Variants in DSCAM observed in about 807,000 individuals in gnomAD.
The protein encoded by DSCAM is cell adhesion molecule DSCAM.
Under a neutral mutation model 217.7 loss-of-function variants are expected in DSCAM, and 47 were observed. The ratio of observed to expected loss-of-function variants is 0.22; its 90% CI spans 0.17 to 0.28. The LOEUF (loss-of-function observed/expected upper bound fraction) is 0.28, where lower values mean the gene tolerates loss of function less well. Among genes scored for constraint, DSCAM ranks in the 10% least tolerant of loss-of-function variants. The pLI is 1.00. For synonymous variants in DSCAM, 1,056 were observed against 1,015.3 expected (o/e 1.04, Z -0.76); for missense variants, 2,080 against 2,618.3 (o/e 0.79, Z 4.49).
chr21:40,341,694 C>T (rs939298795), intron 6 of DSCAM, among the ~76,000 whole-genome samples: 13 of 152,124 alleles, frequency 8.5e-5, no homozygotes, highest in Non-Finnish European at 1.0e-4. Flanking sequence ...AGAGTATGCA[C>T]GCTTTATATG....
chr21:40,194,403 G>A (rs1234662967), intron 11 of DSCAM, among the ~76,000 whole-genome samples: 1 of 152,166 alleles, frequency 6.6e-6, no homozygotes, highest in Non-Finnish European at 1.5e-5. Context: ...ATGACAACAT[G>A]TCTGTACAGC....
At chr21:40,215,717 C>G (rs1554939) in intron 11 of DSCAM, among the ~76,000 whole-genome samples, 78,198 of 151,652 alleles carry the variant, frequency 0.52, 20,464 homozygotes, top group Middle Eastern at 0.63. Flanking sequence ...TTGGGTGATG[C>G]GTGCACTAAA....
At chr21:40,204,240 C>T (rs1440061048) in intron 11 of DSCAM, among the ~76,000 whole-genome samples, 3 of 152,160 alleles carry the variant, frequency 2.0e-5, no homozygotes, top group Non-Finnish European at 4.4e-5. Flanking sequence ...CCTGTGTGAG[C>T]ACGTGTGCAA....
At chr21:40,490,609 C>A (rs2076068895) in intron 3 of DSCAM, among the ~76,000 whole-genome samples, 1 of 152,094 alleles carries the variant, frequency 6.6e-6, no homozygotes, top group African/African-American at 2.4e-5. Context: ...GGCTGGAGTA[C>A]CCCCACCCTG....
Position 40,025,889 on chromosome 21 carries a change from T to A in DSCAM, c.5687-12503A>T, listed in dbSNP as rs1383133375. ...TATTTGCTTCGGTTCTACTCTGATT[T>A]TAGTTATTTCTTGCCTTCTGCTAGC... On this transcript the variant is annotated intron_variant, in intron 32 of 32. Coordinates refer to ENST00000400454, the MANE Select transcript of DSCAM (RefSeq NM_001389.5). Among the ~76,000 whole-genome samples, 2 of 150,494 alleles carry A rather than the reference T, an allele frequency of 1.3e-5. 1 individual carries two copies. The highest frequency in any genetic ancestry group is 3.0e-5 in the Non-Finnish European group (2 of 67,700).
intron 3 of DSCAM, among the ~76,000 whole-genome samples, chr21:40,477,390 AAAG>A (rs1454827377): frequency 1.3e-5 from 2 of 152,194 alleles, no homozygotes; most frequent in South Asian, 2.1e-4. Flanking sequence ...ATGGCAAAAA[AAAG>A]AAAACGGTAT....
intron 3 of DSCAM, among the ~76,000 whole-genome samples, chr21:40,681,357 G>A (rs1189219299): frequency 6.6e-6 from 1 of 152,218 alleles, no homozygotes; most frequent in Non-Finnish European, 1.5e-5. Flanking sequence ...AGCGGCAGCT[G>A]GTGGTGTGGC....
intron 11 of DSCAM, among the ~76,000 whole-genome samples, chr21:40,256,820 CA>C (rs988473212): frequency 6.6e-6 from 1 of 152,164 alleles, no homozygotes; most frequent in Non-Finnish European, 1.5e-5. Context: ...TTAACCATCA[CA>C]AATCCACACC....
At chr21:40,561,927 C>G (rs562537433) in intron 3 of DSCAM, among the ~76,000 whole-genome samples, 2 of 152,206 alleles carry the variant, frequency 1.3e-5, no homozygotes, top group African/African-American at 2.4e-5. Flanking sequence ...CTCTTTTAAA[C>G]TCTTCAATCC....
At chr21:40,136,096 A>G (rs1204576499) in intron 18 of DSCAM, among the ~76,000 whole-genome samples, 2 of 152,198 alleles carry the variant, frequency 1.3e-5, no homozygotes, top group African/African-American at 2.4e-5. Flanking sequence ...TAGGGAGGCC[A>G]GCAGGGTGCC....
chr21:40,535,272 C>T (rs1452204707), intron 3 of DSCAM, among the ~76,000 whole-genome samples: 1 of 152,148 alleles, frequency 6.6e-6, no homozygotes, highest in African/African-American at 2.4e-5. Context: ...TCATTTTCTC[C>T]TTATTATAAC....
chr21:40,052,178 C>A, intron 29 of DSCAM, 71 bp from the exon 30 acceptor site: 1 of 1,534,788 alleles, frequency 6.5e-7, no homozygotes, highest in Non-Finnish European at 8.9e-7. Context: ...GGCCTTTTCT[C>A]TCCTGAGGCA....
intron 3 of DSCAM, among the ~76,000 whole-genome samples, chr21:40,661,124 T>C (rs2090134946): frequency 6.6e-6 from 1 of 152,212 alleles, no homozygotes; most frequent in Admixed American, 6.5e-5. Context: ...GAGAGTTTGA[T>C]TGAAATGATT....
In DSCAM at chr21:40,560,416, C is replaced by T. The variant is rs544297473; in HGVS notation, c.508+132394G>A. Among the ~76,000 whole-genome samples the T allele has an allele frequency of 5.3e-5, 8 of 152,254 alleles. 1 individual carries two copies. Among genetic ancestry groups the T allele is most frequent in the African/African-American group, 1.7e-4 (7 of 41,546 alleles). On this transcript the variant is annotated intron_variant, in intron 3 of 32. Coordinates refer to ENST00000400454, the MANE Select transcript of DSCAM (RefSeq NM_001389.5). The stretch of plus-strand genomic sequence containing the variant: ...GCCAGCTCTAGATTTCACAACACCA[C>T]GTTCCCCATGTTCCCGGGGAATATT...
At chr21:40,806,673 C>A (rs902590759) in intron 1 of DSCAM, among the ~76,000 whole-genome samples, 1 of 152,126 alleles carries the variant, frequency 6.6e-6, no homozygotes, top group Non-Finnish European at 1.5e-5. Flanking sequence ...ATGTTTATTG[C>A]GGCACTGTTC....
intron 1 of DSCAM, among the ~76,000 whole-genome samples, chr21:40,788,987 G>GA (rs2091616437): frequency 1.3e-5 from 2 of 152,108 alleles, no homozygotes; most frequent in South Asian, 2.1e-4. Context: ...ATTCCTACTA[G>GA]AAAAAAATAT....
chr21:40,698,647 A>G (rs2090620375), intron 2 of DSCAM, among the ~76,000 whole-genome samples: 1 of 152,142 alleles, frequency 6.6e-6, no homozygotes, highest in Non-Finnish European at 1.5e-5. Flanking sequence ...AGGTGGGCAG[A>G]TCACCTGAGG....
At chr21:40,343,367 C>T (rs2123608233) in intron 6 of DSCAM, among the ~76,000 whole-genome samples, 1 of 152,222 alleles carries the variant, frequency 6.6e-6, no homozygotes, top group Middle Eastern at 3.4e-3. Context: ...TGGTCTCAAT[C>T]TTAAATGAAA....
chr21:40,433,820 T>C (rs1265905068), intron 3 of DSCAM, among the ~76,000 whole-genome samples: 2 of 152,150 alleles, frequency 1.3e-5, no homozygotes, highest in Non-Finnish European at 2.9e-5. Context: ...CCTGAGGTGA[T>C]GACATCATCT....
Sources: gnomAD v4.1 joint callset for allele counts (sites outside exome capture counted in the v4.1 genomes callset) on GRCh38, gnomAD v4.1.1 for gene constraint, MANE v1.5 for transcripts, NCBI Gene and HGNC (gene_info 2026-07-23, HGNC 2026-07-21) for gene names.